Variants in OSBPL1A observed in about 807,000 individuals in gnomAD.
OSBPL1A encodes the protein oxysterol binding protein like 1A.
In OSBPL1A, 80 loss-of-function variants were observed where a neutral mutation model predicts 137.1. The ratio of observed to expected loss-of-function variants is 0.58; its 90% confidence interval spans 0.49 to 0.70. The LOEUF (loss-of-function observed/expected upper bound fraction) is 0.70, where lower values mean the gene tolerates loss of function less well. Ranked by LOEUF, OSBPL1A falls within the 30% of genes least tolerant of loss-of-function variation. The pLI is 0.00. For missense variants in OSBPL1A, 970 were observed against 1,129.4 expected, an observed-to-expected ratio of 0.86 and a Z score of 2.02; for synonymous variants, 365 against 389.7, an observed-to-expected ratio of 0.94 and a Z score of 0.75.
At chr18:24,375,860 G>A (rs1467467723) in intron 2 of OSBPL1A, among the ~76,000 whole-genome samples, 1 of 152,162 alleles carries the variant, frequency 6.6e-6, no homozygotes, top group East Asian at 1.9e-4. Flanking sequence ...TCTGGAATTG[G>A]TGGGTTCTTG....
chr18:24,174,712 T>G (rs1163378600), intron 21 of OSBPL1A, among the ~76,000 whole-genome samples: 1 of 152,176 alleles, frequency 6.6e-6, no homozygotes, highest in African/African-American at 2.4e-5. Flanking sequence ...ATAGGATAGC[T>G]CATTGTGGTT....
intron 4 of OSBPL1A, among the ~76,000 whole-genome samples, chr18:24,363,592 G>A (rs1327191107): frequency 6.6e-6 from 1 of 151,660 alleles, no homozygotes; most frequent in Admixed American, 6.6e-5. Context: ...GATTACAGGA[G>A]TATGCCACCA....
At chr18:24,212,114 C>CTGGA (rs2087562766) in intron 17 of OSBPL1A, among the ~76,000 whole-genome samples, 2 of 151,636 alleles carry the variant, frequency 1.3e-5, no homozygotes, top group South Asian at 4.2e-4. Context: ...TCTTGCCAGG[C>CTGGA]TGGAGTACAG....
chr18:24,269,794 G>A (rs1404642252), intron 15 of OSBPL1A, among the ~76,000 whole-genome samples: 1 of 150,672 alleles, frequency 6.6e-6, no homozygotes, highest in Non-Finnish European at 1.5e-5. Flanking sequence ...TGGTACCATC[G>A]TGAGATACAA....
In OSBPL1A at chr18:24,287,872, T is replaced by C. The variant is rs541631646; in HGVS notation, c.1175-6924A>G. Among the ~76,000 whole-genome samples, 91 of 152,332 alleles carry C rather than the reference T, an allele frequency of 6.0e-4. 1 individual carries two copies. The South Asian group carries it at 6.6e-3, about 11-fold the overall frequency. On this transcript the variant is annotated intron_variant, in intron 14 of 27. Transcript: ENST00000319481. ...AAATCACGTAGTCTCATAGCCACAC[T>C]GTCTCACCTATTGGATTCTTCAACC... is the stretch of plus-strand genomic sequence containing the variant.
chr18:24,167,249 C>G, intron 25 of OSBPL1A, 80 bp downstream of exon 25: 1 of 1,331,950 alleles, frequency 7.5e-7, no homozygotes, highest in Non-Finnish European at 1.1e-6. Flanking sequence ...GCTGCCTGGG[C>G]CGACCCTACA....
chr18:24,193,194 A>G (rs1038862137), intron 18 of OSBPL1A, among the ~76,000 whole-genome samples: 8 of 152,234 alleles, frequency 5.3e-5, no homozygotes, highest in African/African-American at 1.9e-4. Flanking sequence ...TGATAGAATC[A>G]GAAACATGCA....
intron 7 of OSBPL1A, among the ~76,000 whole-genome samples, chr18:24,323,586 A>G: frequency 3.4e-5 from 1 of 29,434 alleles, no homozygotes; most frequent in South Asian, 8.6e-4. Context: ...TTTAGGGTAC[A>G]TGTGCACATT....
At chr18:24,291,535 T>A (rs549492326) in intron 14 of OSBPL1A, among the ~76,000 whole-genome samples, 112 of 152,264 alleles carry the variant, frequency 7.4e-4, no homozygotes, top group South Asian at 5.8e-3. Context: ...ATATGTCTAT[T>A]AAGAGTTCTG....
chr18:24,207,994 C>G (rs1940069451), intron 17 of OSBPL1A, among the ~76,000 whole-genome samples: 1 of 152,170 alleles, frequency 6.6e-6, no homozygotes, highest in South Asian at 2.1e-4. Context: ...ATCCACTCAC[C>G]TCAGCCTCCC....
intron 17 of OSBPL1A, among the ~76,000 whole-genome samples, chr18:24,211,219 G>A (rs1015425877): frequency 7.2e-5 from 11 of 152,098 alleles, no homozygotes; most frequent in South Asian, 4.1e-4. Flanking sequence ...CACCTGCCTC[G>A]GCCTCCCAAA....
chr18:24,338,060 G>T (rs75968878), intron 5 of OSBPL1A, among the ~76,000 whole-genome samples: 15,694 of 150,038 alleles, frequency 0.1, 944 homozygotes, highest in African/African-American at 0.16. Flanking sequence ...CCATAGATTA[G>T]AAATTTTTCT....
chr18:24,354,531 A>G (rs141698251), intron 4 of OSBPL1A, among the ~76,000 whole-genome samples: 27 of 152,282 alleles, frequency 1.8e-4, no homozygotes, highest in African/African-American at 6.5e-4. Context: ...CCATAGCAAC[A>G]GCTAATCATA....
intron 1 of OSBPL1A, among the ~76,000 whole-genome samples, chr18:24,390,026 AAG>A (rs1464798559): frequency 3.3e-5 from 5 of 152,216 alleles, no homozygotes; most frequent in Non-Finnish European, 7.3e-5. Context: ...ATTCAACAAT[AAG>A]AGCCAATTCA....
At chr18:24,259,122 T>C (rs1194953511) in intron 15 of OSBPL1A, among the ~76,000 whole-genome samples, 1 of 151,974 alleles carries the variant, frequency 6.6e-6, no homozygotes, top group East Asian at 1.9e-4. Context: ...GGTTTCACCA[T>C]GGTCTCGATC....
chr18:24,362,857 A>T (rs2091645030), intron 4 of OSBPL1A, among the ~76,000 whole-genome samples: 4 of 152,206 alleles, frequency 2.6e-5, no homozygotes, highest in Admixed American at 2.6e-4. Flanking sequence ...TTAAAGAAAC[A>T]AACTGAGAGG....
intron 4 of OSBPL1A, among the ~76,000 whole-genome samples, chr18:24,359,138 A>G (rs935624095): frequency 6.6e-6 from 1 of 151,918 alleles, no homozygotes; most frequent in Admixed American, 6.6e-5. Context: ...GGATCACTTG[A>G]GCTCTGGATG....
At position 24,262,336 on chromosome 18, in the gene OSBPL1A, T is replaced by A. The variant is rs543055500; in HGVS notation, c.1281+18506A>T. On this transcript the variant is annotated intron_variant, in intron 15 of 27. Coordinates refer to ENST00000319481, the MANE Select transcript of OSBPL1A (RefSeq NM_080597.4). ...AAGCTTCGACCTAAAAATAGCTTGC[T>A]CTTACATAATCACTAGCCACAGATT... Among the ~76,000 whole-genome samples the A allele has an allele frequency of 1.6e-4, 24 of 152,316 alleles. No individual in the cohort carries two copies. The South Asian group carries it at 4.8e-3, about 30-fold the overall frequency.
At chr18:24,242,595 C>G (rs2088738929) in intron 15 of OSBPL1A, among the ~76,000 whole-genome samples, 1 of 152,136 alleles carries the variant, frequency 6.6e-6, no homozygotes, top group Admixed American at 6.5e-5. Context: ...GTACAACACT[C>G]TAAGGTCTTA....
Sources: allele counts gnomAD v4.1 joint callset (sites outside exome capture counted in the v4.1 genomes callset), GRCh38; gene constraint gnomAD v4.1.1; transcripts MANE v1.5; gene names NCBI Gene and HGNC (gene_info 2026-07-23, HGNC 2026-07-21).